COL4A2: variants seen among roughly 807,000 people sequenced by gnomAD.
The protein encoded by COL4A2 is collagen alpha-2(IV) chain.
COL4A2 carries 99 observed loss-of-function variants against 200.2 expected under a neutral mutation model. The ratio of observed to expected loss-of-function variants is 0.49; its 90% confidence interval spans 0.42 to 0.58. The LOEUF (loss-of-function observed/expected upper bound fraction) is 0.58, where lower values mean the gene tolerates loss of function less well. Ranked by LOEUF, COL4A2 falls within the 20% of genes least tolerant of loss-of-function variation. COL4A2 has a pLI of 0.00. For missense variants in COL4A2, 1,950 were observed against 2,314.1 expected, an observed-to-expected ratio of 0.84 and a Z score of 3.23; for synonymous variants, 897 against 900.6, an observed-to-expected ratio of 1.00 and a Z score of 0.07.
intron 4 of COL4A2, among the ~76,000 whole-genome samples, chr13:110,361,992 G>A (rs781097954): frequency 3.3e-5 from 5 of 152,184 alleles, no homozygotes; most frequent in African/African-American, 4.8e-5. Flanking sequence ...ACTCAAGTCT[G>A]GGGACTTAGA....
chr13:110,413,226 G>T (rs139091623), intron 4 of COL4A2, among the ~76,000 whole-genome samples: 756 of 152,342 alleles, frequency 5.0e-3, no homozygotes, highest in Non-Finnish European at 8.0e-3. Flanking sequence ...GAGCCAGGCA[G>T]AGGGGGTAAA....
At chr13:110,392,411 C>G (rs1460273486) in intron 4 of COL4A2, among the ~76,000 whole-genome samples, 1 of 152,162 alleles carries the variant, frequency 6.6e-6, no homozygotes, top group Admixed American at 6.5e-5. Flanking sequence ...GAAGCCAGGA[C>G]AGAATACCCG....
chr13:110,353,655 A>G (rs1224399698), intron 3 of COL4A2, among the ~76,000 whole-genome samples: 1 of 152,238 alleles, frequency 6.6e-6, no homozygotes, highest in African/African-American at 2.4e-5. Context: ...TAATAAGTCA[A>G]TATTTCTGTT....
chr13:110,439,688 C>T lies in COL4A2; in HGVS notation c.913-101C>T, dbSNP rs184135497. ...CCTGAGACTTGTTCAATCTGTCCAT[C>T]GGCATTTTGCTGTGATCACAGCCAG... On this transcript the variant is annotated intron_variant, in intron 15 of 47. Transcript: ENST00000360467. 1.3e-4 allele frequency: 213 copies of T among 1,579,468 alleles called. No homozygotes were observed. In the African/African-American group the frequency reaches 2.4e-3, roughly 18 times the overall value.
At chr13:110,397,826 A>G (rs1879233840) in intron 4 of COL4A2, among the ~76,000 whole-genome samples, 1 of 152,226 alleles carries the variant, frequency 6.6e-6, no homozygotes, top group Non-Finnish European at 1.5e-5. Flanking sequence ...TTTACACCAT[A>G]TTTTATATTC....
intron 3 of COL4A2, among the ~76,000 whole-genome samples, chr13:110,326,655 G>A (rs553651868): frequency 2.0e-4 from 30 of 152,296 alleles, no homozygotes; most frequent in African/African-American, 5.8e-4. Context: ...ACACAGAGGG[G>A]ACACGCTGGG....
intron 4 of COL4A2, among the ~76,000 whole-genome samples, chr13:110,415,042 G>A (rs1339702952): frequency 6.6e-6 from 1 of 152,186 alleles, no homozygotes; most frequent in Non-Finnish European, 1.5e-5. Flanking sequence ...CACACTGCGT[G>A]GTTCTATTTC....
intron 3 of COL4A2, among the ~76,000 whole-genome samples, chr13:110,334,923 A>G (rs1193892445): frequency 3.3e-5 from 5 of 152,220 alleles, no homozygotes; most frequent in Non-Finnish European, 5.9e-5. Context: ...GATTCAGCAC[A>G]GTCAGATCCA....
At chr13:110,441,862 T>C (rs983384911) in intron 16 of COL4A2, among the ~76,000 whole-genome samples, 8 of 150,904 alleles carry the variant, frequency 5.3e-5, no homozygotes, top group Admixed American at 3.3e-4. Context: ...GAGTGGATCA[T>C]AGAGGTCAGG....
intron 16 of COL4A2, among the ~76,000 whole-genome samples, chr13:110,443,195 A>G (rs1023589740): frequency 3.3e-5 from 5 of 152,208 alleles, no homozygotes; most frequent in Admixed American, 2.6e-4. Context: ...GCAGGCTGGC[A>G]GGGTTTCTTT....
rs764909804 is a variant in COL4A2 at position 110,469,913 on chromosome 13, T to TTTTTTC, written c.2203+594_2203+595insCTTTTT. Among the ~76,000 whole-genome samples, 425 of 143,932 alleles carry TTTTTTC rather than the reference T, an allele frequency of 3.0e-3. 3 individuals carry two copies. Among genetic ancestry groups the TTTTTTC allele is most frequent in the Non-Finnish European group, 5.5e-3 (363 of 65,586 alleles). The allele number at this position is 143,932 out of a possible 152,430, so 94.4% of individuals were successfully genotyped here. On this transcript the variant is annotated intron_variant, in intron 28 of 47. Coordinates refer to ENST00000360467, the MANE Select transcript of COL4A2 (RefSeq NM_001846.4). ...TTGCAGGGGCATACACGTCTTTTTT[T>TTTTTTC]TTTTTTTTTTTTTTTTAATGAAATG...
intron 44 of COL4A2, 21 bp from the exon 45 acceptor site, chr13:110,504,127 C>A: frequency 6.2e-7 from 1 of 1,610,086 alleles, no homozygotes; most frequent in Admixed American, 1.7e-5. Context: ...CCAGCCATAA[C>A]GCTTCTTTGG....
At chr13:110,390,775 C>A (rs1006266881) in intron 4 of COL4A2, among the ~76,000 whole-genome samples, 13 of 141,512 alleles carry the variant, frequency 9.2e-5, no homozygotes, top group African/African-American at 3.5e-4. Context: ...GACAGGGCAG[C>A]CTGCGGTTAC....
intron 4 of COL4A2, among the ~76,000 whole-genome samples, chr13:110,411,106 G>A (rs917168969): frequency 6.6e-6 from 1 of 152,076 alleles, no homozygotes; most frequent in African/African-American, 2.4e-5. Context: ...CCTATCTGTG[G>A]TCAGCACCCA....
intron 4 of COL4A2, among the ~76,000 whole-genome samples, chr13:110,358,307 C>T (rs1365639519): frequency 6.6e-6 from 1 of 152,146 alleles, no homozygotes; most frequent in Non-Finnish European, 1.5e-5. Flanking sequence ...CTGTCTTTCA[C>T]CTCCACATCT....
chr13:110,408,252 G>T (rs1160293380), intron 4 of COL4A2, among the ~76,000 whole-genome samples: 1 of 152,230 alleles, frequency 6.6e-6, no homozygotes, highest in Non-Finnish European at 1.5e-5. Flanking sequence ...GCGGGGAGGG[G>T]CCCTCACAGC....
chr13:110,315,818 G>A (rs78066291), intron 3 of COL4A2, among the ~76,000 whole-genome samples: 5 of 152,276 alleles, frequency 3.3e-5, no homozygotes, highest in East Asian at 1.9e-4. Context: ...TTATCTGCCC[G>A]AGGCCTGAAA....
intron 39 of COL4A2, among the ~76,000 whole-genome samples, chr13:110,495,141 C>T (rs1211029389): frequency 1.3e-5 from 2 of 151,910 alleles, no homozygotes; most frequent in East Asian, 3.9e-4. Flanking sequence ...GAGCCAAGGG[C>T]TTCCACTGTG....
Position 110,457,518 on chromosome 13 carries a change from C to G in COL4A2, c.1432+83C>G, listed in dbSNP as rs181388942. The G allele has an allele frequency of 6.2e-6, 5 of 810,564 alleles. No homozygotes were observed. In the East Asian group the frequency reaches 1.3e-4, roughly 21 times the overall value. The allele number at this position is 810,564 out of a possible 1,614,324, so 50.2% of individuals were successfully genotyped here. ...CTTACAGAAGGTGAAATCCATCCCCCACTCACGTGTTTGGACATGAAAATG... is the reference window on the plus strand; with the variant it reads ...CTTACAGAAGGTGAAATCCATCCCCGACTCACGTGTTTGGACATGAAAATG... On this transcript the variant is annotated intron_variant, in intron 21 of 47. Coordinates refer to ENST00000360467, the MANE Select transcript of COL4A2 (RefSeq NM_001846.4).
Sources: gnomAD v4.1 joint callset for allele counts (sites outside exome capture counted in the v4.1 genomes callset) on GRCh38, gnomAD v4.1.1 for gene constraint, MANE v1.5 for transcripts, NCBI Gene and HGNC (gene_info 2026-07-23, HGNC 2026-07-21) for gene names.